ZNF707: variants seen among roughly 807,000 people sequenced by gnomAD.
ZNF707 encodes zinc finger protein 707.
A neutral mutation model predicts 13.3 loss-of-function variants in ZNF707; 8 were observed. The observed-to-expected ratio is 0.60, with a 90% CI of 0.35 to 1.09. The LOEUF is 1.09. Ranked by LOEUF, ZNF707 falls within the 50% of genes least tolerant of loss-of-function variation. The pLI is 0.02. For missense variants in ZNF707, 530 were observed against 512.6 expected (o/e 1.03, Z -0.33); for synonymous variants, 225 against 205.6 (o/e 1.09, Z -0.81).
At chr8:143,691,966 C>T (rs1347111612) in intron 5 of ZNF707, 19 of 1,397,614 alleles carry the variant, frequency 1.4e-5, no homozygotes, top group Non-Finnish European at 1.7e-5. Flanking sequence ...TCGGAGGGGC[C>T]TGAGGCTGGA....
At position 143,693,381 on chromosome 8, in the gene ZNF707, G is replaced by C. The variant is rs1431882829; in HGVS notation, c.257-290G>C. The stretch of plus-strand genomic sequence containing the variant: ...CGGCTCACTGCAAGCTCCGCTTCCC[G>C]GGTTCACGCCATTCTCCTGCCTCAG... On this transcript the variant is annotated intron_variant, in intron 5 of 5. Coordinates refer to ENST00000358656, the MANE Select transcript of ZNF707 (RefSeq NM_001100598.2). This position sits in a 1 kb window ranked among gnomAD's most constrained non-coding sequence, Gnocchi z 4.1. 6.6e-6 allele frequency among the ~76,000 whole-genome samples: 1 copy of C among 151,350 alleles called. No homozygotes were observed. The highest frequency in any genetic ancestry group is 6.6e-5 in the Admixed American group (1 of 15,200).
Position 143,691,099 on chromosome 8 carries a change from C to T in ZNF707, c.42C>T (p.Ala14=). The T allele has an allele frequency of 1.2e-6, 2 of 1,613,868 alleles. No homozygotes were observed. Among genetic ancestry groups the T allele is most frequent in the Non-Finnish European group, 1.7e-6 (2 of 1,179,842 alleles). The part of the protein sequence containing the change: ...AQEPVTFRDV[A]IYFSREEWAC... ...AGCCAGTGACCTTCAGGGACGTGGC[C>T]ATCTACTTCTCAAGGGAGGAGTGGG... The change falls in exon 4 of 6, where the codon GCC becomes GCT. Residue 14 remains alanine, a synonymous_variant. Transcript: ENST00000358656.
Position 143,691,114 on chromosome 8 carries a change from G to A in ZNF707, c.57G>A (p.Arg19=). The A allele has an allele frequency of 6.2e-7, 1 of 1,613,922 alleles. No individual in the cohort carries two copies. Among genetic ancestry groups the A allele is most frequent in the South Asian group, 1.1e-5 (1 of 91,078 alleles). ...TFRDVAIYFS[R]EEWACLEPSQ... ...GGGACGTGGCCATCTACTTCTCAAG[G>A]GAGGAGTGGGCGTGTCTGGAACCCA... Residue 19 remains arginine (R), a synonymous_variant, in exon 4 of 6, where the codon AGG becomes AGA. Transcript: ENST00000358656.
At chr8:143,689,967 C>G in intron 2 of ZNF707, 90 bp from the exon 3 acceptor site, 2 of 1,018,278 alleles carry the variant, frequency 2.0e-6, no homozygotes, top group Admixed American at 2.2e-5. Context: ...CTGAATTCCC[C>G]GTGATTTGCT....
chr8:143,690,150 C>T (rs781900534), intron 3 of ZNF707, 27 bp downstream of exon 3: 52 of 1,602,630 alleles, frequency 3.2e-5, no homozygotes, highest in Non-Finnish European at 4.3e-5. Flanking sequence ...CCGAGCGCAG[C>T]CTCCCTTCTG....
At position 143,690,112 on chromosome 8, in the gene ZNF707, G is replaced by A. The variant is rs201570656; in HGVS notation, c.4G>A (p.Asp2Asn). Residue 2 changes from aspartate (D) to asparagine (N), a missense_variant, in exon 3 of 6, where the codon GAC becomes AAC. Physicochemically the swap from Asp to Asn is conservative, Grantham distance 23 (BLOSUM62 1). Transcript: ENST00000358656. M[D>N]MAQEPVTFRD... The stretch of plus-strand genomic sequence containing the variant: ...GAGGGGTGGCCTCGCTGTTCCCATG[G>A]ACATGGCCCAGGTGAGCCCTGCTGC... The A allele has an allele frequency of 8.2e-5, 132 of 1,607,966 alleles. No individual in the cohort carries two copies. The African/African-American group carries it at 1.6e-3, about 20-fold the overall frequency.
chr8:143,685,844 G>C (rs1554611850), intron 1 of ZNF707, among the ~76,000 whole-genome samples: 1 of 151,830 alleles, frequency 6.6e-6, no homozygotes, highest in East Asian at 1.9e-4. Flanking sequence ...ACCTGCCTCA[G>C]AGAAAAAAAA....
chr8:143,691,501 TGGCCTGGCGTCTTA>T (rs1816806617), intron 4 of ZNF707, 85 bp from the exon 5 acceptor site: 2 of 1,334,244 alleles, frequency 1.5e-6, no homozygotes, highest in Admixed American at 4.8e-5. Context: ...TCCCGAGGGC[TGGCCTGGCGTCTTA>T]GGCTGATGCA....
At chr8:143,687,263 C>G (rs1398426120) in intron 1 of ZNF707, 2 of 152,268 alleles carry the variant, frequency 1.3e-5, no homozygotes, top group African/African-American at 4.8e-5. Context: ...CTGTGTCACC[C>G]AGGCTGGAGT....
At chr8:143,692,201 G>C (rs913747617) in intron 5 of ZNF707, 9 of 1,292,512 alleles carry the variant, frequency 7.0e-6, no homozygotes, top group Middle Eastern at 2.1e-4. Context: ...GGTTGCTCTT[G>C]GGGCAGTTGT....
intron 1 of ZNF707, among the ~76,000 whole-genome samples, chr8:143,685,594 C>G (rs1209758856): frequency 6.7e-6 from 1 of 149,280 alleles, no homozygotes; most frequent in African/African-American, 2.5e-5. Context: ...AACCCCAGCA[C>G]TTGGGGAGGC....
intron 5 of ZNF707, chr8:143,692,061 C>T (rs1554613817): frequency 2.2e-6 from 3 of 1,380,794 alleles, no homozygotes; most frequent in Non-Finnish European, 2.9e-6. Flanking sequence ...CTGTGATGGC[C>T]ATGTGGGGTC....
At chr8:143,690,889 T>C in intron 3 of ZNF707, 184 bp from the exon 4 acceptor site, 1 of 753,752 alleles carries the variant, frequency 1.3e-6, no homozygotes, top group South Asian at 1.9e-5. Context: ...AACCTTAATC[T>C]CTTCCACAGA....
At chr8:143,686,634 C>T (rs572628018) in intron 1 of ZNF707, among the ~76,000 whole-genome samples, 4 of 152,174 alleles carry the variant, frequency 2.6e-5, no homozygotes, top group African/African-American at 9.6e-5. Flanking sequence ...AATATTTTCT[C>T]TTAGTCTGTG....
intron 3 of ZNF707, chr8:143,690,860 C>G (rs1370238678): frequency 2.1e-4 from 134 of 648,458 alleles, no homozygotes; most frequent in Non-Finnish European, 2.5e-4. Context: ...GTCAGGGCCC[C>G]TCCCTTCTGA....
chr8:143,691,508 G>C, intron 4 of ZNF707, 92 bp from the exon 5 acceptor site: 1 of 1,374,080 alleles, frequency 7.3e-7, no homozygotes, highest in Non-Finnish European at 9.9e-7. Flanking sequence ...GGCTGGCCTG[G>C]CGTCTTAGGC....
In ZNF707 at chr8:143,689,248, A is replaced by G. The variant is rs1399580657; in HGVS notation, c.-106A>G. ...GAGTTGCTCCTGACGGCCCTTTAGGATACTTCCATGTCTGTAGGGTCTAGA... is the reference window on the plus strand; with the variant it reads ...GAGTTGCTCCTGACGGCCCTTTAGGGTACTTCCATGTCTGTAGGGTCTAGA... On this transcript the variant is annotated 5_prime_UTR_variant, in exon 2 of 6. Transcript: ENST00000358656. 6.6e-6 allele frequency: 1 copy of G among 152,026 alleles called. No homozygotes were observed. Among genetic ancestry groups the G allele is most frequent in the Non-Finnish European group, 1.5e-5 (1 of 68,024 alleles). The allele number at this position is 152,026 out of a possible 1,614,324, so 9.4% of individuals were successfully genotyped here.
Position 143,693,911 on chromosome 8 carries a change from G to T in ZNF707, c.497G>T (p.Arg166Leu). ...RCGRRPGRRE[R>L]RKQRAVELSF... Reference sequence around the variant, plus strand: ...GGGCGGCGGCCGGGCCGCAGAGAGCGCCGGAAGCAGCGCGCAGTAGAGCTG... The same window carrying T: ...GGGCGGCGGCCGGGCCGCAGAGAGCTCCGGAAGCAGCGCGCAGTAGAGCTG... The change falls in exon 6 of 6, where the codon CGC (arginine) becomes CTC (leucine). Residue 166 changes from arginine (R) to leucine (L), a missense_variant. Transcript: ENST00000358656. This position sits in a 1 kb window ranked among gnomAD's most constrained non-coding sequence, Gnocchi z 4.1. The T allele has an allele frequency of 6.2e-7, 1 of 1,606,596 alleles. No homozygotes were observed. The highest frequency in any genetic ancestry group is 8.5e-7 in the Non-Finnish European group (1 of 1,176,242).
At chr8:143,691,462 C>A in intron 4 of ZNF707, 138 bp from the exon 5 acceptor site, 2 of 1,081,130 alleles carry the variant, frequency 1.8e-6, no homozygotes, top group Non-Finnish European at 2.6e-6. Flanking sequence ...TTCCTGTCAT[C>A]TCTGCTTTGG....
Sources: gnomAD v4.1 joint callset for allele counts (sites outside exome capture counted in the v4.1 genomes callset) on GRCh38, gnomAD v4.1.1 for gene constraint, Gnocchi (gnomAD v3.1) non-coding constraint, MANE v1.5 for transcripts, NCBI Gene and HGNC (gene_info 2026-07-23, HGNC 2026-07-21) for gene names.